RAB6A: variants seen among roughly 807,000 people sequenced by gnomAD.
The protein encoded by RAB6A is RAB6A, member RAS oncogene family.
A neutral mutation model predicts 32.3 loss-of-function variants in RAB6A; 8 were observed. That is an observed-to-expected ratio of 0.25 (90% CI 0.15 to 0.45). RAB6A has a LOEUF of 0.45. Ranked by LOEUF, RAB6A falls within the 20% of genes least tolerant of loss-of-function variation. The pLI, the probability that RAB6A is intolerant of heterozygous loss-of-function variation, is 1.00. For synonymous variants in RAB6A, 73 were observed against 82.1 expected (o/e 0.89, Z 0.60); for missense variants, 104 against 249.4 (o/e 0.42, Z 3.93).
rs138038744 is a variant in RAB6A, at chr11:73,734,298, G to C, written c.71-3475C>G. The stretch of plus-strand genomic sequence containing the variant: ...CCGCCACCACGCCCAGCTAGTTTTT[G>C]TATTTTTAGTAGAGACAGAGTTTCA... On this transcript the variant is annotated intron_variant, in intron 1 of 7. Transcript: ENST00000336083. Among the ~76,000 whole-genome samples the C allele has an allele frequency of 4.0e-3, 614 of 152,180 alleles. 2 individuals carry two copies. The highest frequency in any genetic ancestry group is 0.014 in the African/African-American group (580 of 41,514).
intron 1 of RAB6A, among the ~76,000 whole-genome samples, chr11:73,733,715 A>T: frequency 6.6e-6 from 1 of 152,192 alleles, no homozygotes; most frequent in Non-Finnish European, 1.5e-5. Context: ...CCAGATACAA[A>T]AGAATATATA....
Position 73,714,092 on chromosome 11 carries a change from T to C in RAB6A, c.401+2159A>G, listed in dbSNP as rs1946009820. Among the ~76,000 whole-genome samples, 9 of 149,442 alleles carry C rather than the reference T, an allele frequency of 6.0e-5. No homozygotes were observed. In the South Asian group the frequency reaches 1.9e-3, roughly 32 times the overall value. On this transcript the variant is annotated intron_variant, in intron 5 of 7. Coordinates refer to ENST00000336083, the MANE Select transcript of RAB6A (RefSeq NM_198896.2). ...TTGTAATTCCAGCTACTCGGGAGGC[T>C]GAGGCAGGAGAATCACTTAAGCCTG... is the stretch of plus-strand genomic sequence containing the variant.
At chr11:73,705,785 A>AGAGG (rs1945830873) in intron 6 of RAB6A, among the ~76,000 whole-genome samples, 1 of 151,340 alleles carries the variant, frequency 6.6e-6, no homozygotes, top group Non-Finnish European at 1.5e-5. Context: ...AGAGAGAGAG[A>AGAGG]GAGAGAGAGA....
chr11:73,693,291 AAAATAAAT>A (rs3046617), intron 6 of RAB6A, among the ~76,000 whole-genome samples: 228 of 151,032 alleles, frequency 1.5e-3, no homozygotes, highest in Admixed American at 2.9e-3. Context: ...CCGTCTCCAA[AAAATAAAT>A]AAATAAATAA....
rs367979989 is a variant in RAB6A at position 73,758,345 on chromosome 11, A to G, written c.70+2221T>C. Among the ~76,000 whole-genome samples the G allele has an allele frequency of 1.3e-4, 20 of 150,774 alleles. 1 individual carries two copies. The East Asian group carries it at 3.7e-3, about 28-fold the overall frequency. ...ACTATGGACTTAAGTTAATAATAAC[A>G]TATCAATATTAGTTCATTAATTGTT... On this transcript the variant is annotated intron_variant, in intron 1 of 7. Coordinates refer to ENST00000336083, the MANE Select transcript of RAB6A (RefSeq NM_198896.2).
intron 7 of RAB6A, among the ~76,000 whole-genome samples, chr11:73,678,871 G>A (rs530857450): frequency 1.5e-4 from 22 of 151,366 alleles, no homozygotes; most frequent in Non-Finnish European, 2.9e-4. Context: ...GATTACAGGC[G>A]TGCACTATCA....
intron 6 of RAB6A, among the ~76,000 whole-genome samples, chr11:73,682,258 T>A (rs1306340998): frequency 1.3e-5 from 2 of 152,124 alleles, no homozygotes; most frequent in African/African-American, 4.8e-5. Context: ...GCCCAGAAGT[T>A]TGAGACCACT....
chr11:73,702,085 C>T (rs1015811670), intron 6 of RAB6A, among the ~76,000 whole-genome samples: 3 of 152,190 alleles, frequency 2.0e-5, no homozygotes, highest in African/African-American at 7.2e-5. Context: ...GCGAACAATA[C>T]ATCGTTGTTG....
At chr11:73,750,001 C>A (rs1946650370) in intron 1 of RAB6A, among the ~76,000 whole-genome samples, 1 of 152,122 alleles carries the variant, frequency 6.6e-6, no homozygotes, top group Non-Finnish European at 1.5e-5. Flanking sequence ...CCTCTAATTA[C>A]AACATTTTTA....
At chr11:73,759,842 G>A (rs1278614333) in intron 1 of RAB6A, among the ~76,000 whole-genome samples, 1 of 152,140 alleles carries the variant, frequency 6.6e-6, no homozygotes, top group African/African-American at 2.4e-5. Flanking sequence ...AGTGATGAAA[G>A]TCAAGAGAAC....
intron 4 of RAB6A, among the ~76,000 whole-genome samples, chr11:73,718,011 ACCT>A (rs1008952486): frequency 2.0e-5 from 3 of 152,224 alleles, no homozygotes; most frequent in African/African-American, 7.2e-5. Context: ...TAGTTGTTTC[ACCT>A]CCTATTTAAA....
intron 6 of RAB6A, among the ~76,000 whole-genome samples, chr11:73,683,095 CTATT>C (rs147703386): frequency 0.06 from 9,068 of 152,004 alleles, 369 homozygotes; most frequent in East Asian, 0.17. Flanking sequence ...AAATCACAAT[CTATT>C]TATTATCACA....
chr11:73,685,799 C>T (rs1590823220), intron 6 of RAB6A, among the ~76,000 whole-genome samples: 1 of 145,302 alleles, frequency 6.9e-6, no homozygotes, highest in Admixed American at 7.0e-5. Context: ...GCAGGAGAAT[C>T]GCTTGAACCG....
chr11:73,730,025 T>C (rs1791825007), intron 2 of RAB6A: 1 of 152,432 alleles, frequency 6.6e-6, no homozygotes, highest in Non-Finnish European at 1.5e-5. Flanking sequence ...CCCTCTGGCA[T>C]GGCATGCCCT....
At chr11:73,717,834 C>T (rs1946074063) in intron 4 of RAB6A, among the ~76,000 whole-genome samples, 1 of 152,196 alleles carries the variant, frequency 6.6e-6, no homozygotes, top group Non-Finnish European at 1.5e-5. Flanking sequence ...TGAACCACTA[C>T]ATGTAATAAT....
chr11:73,716,223 A>G, intron 5 of RAB6A, 28 bp downstream of exon 5: 1 of 1,505,360 alleles, frequency 6.6e-7, no homozygotes, highest in Non-Finnish European at 9.2e-7. Flanking sequence ...GAAATCAAAC[A>G]TTACACACAT....
At chr11:73,754,055 T>C (rs972175146) in intron 1 of RAB6A, among the ~76,000 whole-genome samples, 1 of 152,234 alleles carries the variant, frequency 6.6e-6, no homozygotes, top group Non-Finnish European at 1.5e-5. Context: ...AACTCTATGA[T>C]AGGTCTATTA....
chr11:73,703,441 T>C (rs898109042), intron 6 of RAB6A, among the ~76,000 whole-genome samples: 1 of 152,200 alleles, frequency 6.6e-6, no homozygotes, highest in Admixed American at 6.5e-5. Flanking sequence ...CAGAATAAAC[T>C]GACAATTAAA....
intron 2 of RAB6A, chr11:73,722,378 C>T (rs1946156400): frequency 8.8e-6 from 1 of 113,268 alleles, no homozygotes; most frequent in Non-Finnish European, 1.7e-5. Context: ...GAGACAGTCT[C>T]ACACTCTTGC....
Sources: allele counts gnomAD v4.1 joint callset (sites outside exome capture counted in the v4.1 genomes callset), GRCh38; gene constraint gnomAD v4.1.1; transcripts MANE v1.5; gene names NCBI Gene and HGNC (gene_info 2026-07-23, HGNC 2026-07-21).